The following PRKCB variants were observed in gnomAD, a reference collection of about 807,000 sequenced individuals.
PRKCB encodes the protein protein kinase C beta, also known as protein kinase C beta type.
In PRKCB, 13 loss-of-function variants were observed where a neutral mutation model predicts 81.5. The ratio of observed to expected loss-of-function variants is 0.16; its 90% confidence interval spans 0.10 to 0.25. PRKCB has a LOEUF of 0.25. PRKCB is among the 10% of genes least tolerant of loss of function. PRKCB has a pLI of 1.00. For synonymous variants in PRKCB, 335 were observed against 321.4 expected (o/e 1.04, Z -0.45); for missense variants, 509 against 875.7 (o/e 0.58, Z 5.29).
At chr16:23,903,718 G>A (rs922794868) in intron 2 of PRKCB, among the ~76,000 whole-genome samples, 3 of 152,164 alleles carry the variant, frequency 2.0e-5, no homozygotes, top group Non-Finnish European at 4.4e-5. Flanking sequence ...TGCAGAAAGT[G>A]GTTCCCACTG....
intron 5 of PRKCB, among the ~76,000 whole-genome samples, chr16:24,085,496 C>T (rs184558424): frequency 6.6e-6 from 1 of 152,320 alleles, no homozygotes; most frequent in East Asian, 1.9e-4. Context: ...ACACTGTTAT[C>T]CTCTATCATT....
At chr16:24,145,277 G>A (rs1048478045) in intron 9 of PRKCB, among the ~76,000 whole-genome samples, 38 of 152,274 alleles carry the variant, frequency 2.5e-4, no homozygotes, top group African/African-American at 9.1e-4. Context: ...GCATCGTTCA[G>A]GTGTATAGAG....
At position 24,219,657 on chromosome 16, in the gene PRKCB, CACACACACACACACA is replaced by C. The variant is rs1968290622; in HGVS notation, c.*4842_*4856del. The C allele has an allele frequency of 2.2e-3, 1,376 of 633,442 alleles. 7 individuals carry two copies. The African/African-American group carries it at 0.025, about 12-fold the overall frequency. The allele number at this position is 633,442 out of a possible 1,614,324, so 39.2% of individuals were successfully genotyped here. A position where few individuals can be genotyped will look rare whatever the true frequency, so the allele number is the denominator to read the frequency against. On this transcript the variant is annotated 3_prime_UTR_variant, in exon 17 of 17. Transcript: ENST00000643927. ...CCTAAAGCCAAAGAAAATACAGCAA[CACACACACACACACA>C]CACACACACACACACACACACACAC...
At chr16:24,171,458 TG>T (rs1967440288) in intron 10 of PRKCB, among the ~76,000 whole-genome samples, 2 of 152,156 alleles carry the variant, frequency 1.3e-5, no homozygotes, top group Admixed American at 1.3e-4. Context: ...TTGTCATTTT[TG>T]CAGTATCCAA....
At chr16:24,182,645 G>A (rs1967643481) in intron 13 of PRKCB, among the ~76,000 whole-genome samples, 2 of 152,344 alleles carry the variant, frequency 1.3e-5, no homozygotes, top group South Asian at 4.1e-4. Context: ...CCTGGGATGT[G>A]ACAGCAGTTG....
intron 2 of PRKCB, among the ~76,000 whole-genome samples, chr16:23,849,921 A>G (rs2141081553): frequency 6.6e-6 from 1 of 152,326 alleles, no homozygotes; most frequent in East Asian, 1.9e-4. Context: ...ATAGATCTCC[A>G]AACCTATTCC....
chr16:24,136,448 G>A (rs1283521341), intron 9 of PRKCB, among the ~76,000 whole-genome samples: 1 of 152,162 alleles, frequency 6.6e-6, no homozygotes, highest in Non-Finnish European at 1.5e-5. Context: ...ACCTGAATGA[G>A]AGAGCTTCCA....
chr16:24,099,688 G>C (rs972296760), intron 7 of PRKCB: 1 of 152,162 alleles, frequency 6.6e-6, no homozygotes, highest in African/African-American at 2.4e-5. Flanking sequence ...AATATTTTAT[G>C]TTGGCTGGGC....
chr16:23,989,566 CT>C (rs1225347480), intron 3 of PRKCB, among the ~76,000 whole-genome samples: 1 of 152,018 alleles, frequency 6.6e-6, no homozygotes, highest in African/African-American at 2.4e-5. Context: ...AAAAATGTAT[CT>C]AGTAGTGGTT....
intron 16 of PRKCB, among the ~76,000 whole-genome samples, chr16:24,199,072 A>G (rs1481871191): frequency 1.3e-5 from 2 of 152,362 alleles, no homozygotes; most frequent in African/African-American, 4.8e-5. Context: ...GCATCTGGAC[A>G]GTAGGAAAGG....
chr16:23,902,547 C>T (rs990518913), intron 2 of PRKCB, among the ~76,000 whole-genome samples: 1 of 152,070 alleles, frequency 6.6e-6, no homozygotes, highest in African/African-American at 2.4e-5. Context: ...ATAGCAGTCC[C>T]CATTTTACAG....
At chr16:23,896,021 A>G (rs930351830) in intron 2 of PRKCB, among the ~76,000 whole-genome samples, 8 of 148,414 alleles carry the variant, frequency 5.4e-5, no homozygotes, top group Non-Finnish European at 8.9e-5. Context: ...TTTGAATTCT[A>G]TTTTTTCTTT....
At chr16:23,930,741 G>A (rs569970671) in intron 2 of PRKCB, among the ~76,000 whole-genome samples, 5 of 152,210 alleles carry the variant, frequency 3.3e-5, no homozygotes, top group Middle Eastern at 3.4e-3. Context: ...GAGCTTCATA[G>A]GGTTGTTGTG....
chr16:23,970,462 G>A (rs1186146999), intron 2 of PRKCB, among the ~76,000 whole-genome samples: 1 of 152,168 alleles, frequency 6.6e-6, no homozygotes, highest in African/African-American at 2.4e-5. Context: ...TGATGTGCAG[G>A]CAGATACTGG....
At chr16:24,207,404 G>A (rs558122204) in intron 16 of PRKCB, among the ~76,000 whole-genome samples, 2 of 152,100 alleles carry the variant, frequency 1.3e-5, no homozygotes, top group South Asian at 4.2e-4. Context: ...AGCATAAAGG[G>A]GAAAAGGAAA....
At chr16:24,031,164 C>T (rs1193590195) in intron 3 of PRKCB, among the ~76,000 whole-genome samples, 1 of 152,224 alleles carries the variant, frequency 6.6e-6, no homozygotes, top group Non-Finnish European at 1.5e-5. Context: ...TACCACTGCA[C>T]TGCACTGCCA....
chr16:23,990,593 A>G (rs1486644352), intron 3 of PRKCB, among the ~76,000 whole-genome samples: 1 of 149,276 alleles, frequency 6.7e-6, no homozygotes, highest in Non-Finnish European at 1.5e-5. Context: ...TGCCCAGGCC[A>G]GAGTGTGGTG....
chr16:24,034,644 A>G (rs1221714019), intron 4 of PRKCB, among the ~76,000 whole-genome samples: 1 of 152,154 alleles, frequency 6.6e-6, no homozygotes, highest in African/African-American at 2.4e-5. Context: ...GGTGGACACT[A>G]TGGCCAGCCC....
intron 3 of PRKCB, among the ~76,000 whole-genome samples, chr16:24,015,028 T>C (rs1965259255): frequency 6.6e-6 from 1 of 152,192 alleles, no homozygotes; most frequent in African/African-American, 2.4e-5. Context: ...CTCGAACTCC[T>C]GGCCTCAAGT....
Sources: gnomAD v4.1 joint callset for allele counts (sites outside exome capture counted in the v4.1 genomes callset) on GRCh38, gnomAD v4.1.1 for gene constraint, MANE v1.5 for transcripts, NCBI Gene and HGNC (gene_info 2026-07-23, HGNC 2026-07-21) for gene names.